Variants in DPP6 observed in about 807,000 individuals in gnomAD.
The protein encoded by DPP6 is A-type potassium channel modulatory protein DPP6.
Under a neutral mutation model 122.6 loss-of-function variants are expected in DPP6, and 69 were observed. That is an observed-to-expected ratio of 0.56 (90% CI 0.46 to 0.69). The LOEUF is 0.69. DPP6 is among the 30% of genes least tolerant of loss of function. The pLI, the probability that DPP6 is intolerant of heterozygous loss-of-function variation, is 0.00. For synonymous variants in DPP6, 418 were observed against 433.1 expected (o/e 0.97, Z 0.43); for missense variants, 928 against 1,116.9 (o/e 0.83, Z 2.41).
At chr7:153,803,636 G>A in the DPP6 span, among the ~76,000 whole-genome samples, 2 of 151,482 alleles carry the variant, frequency 1.3e-5, no homozygotes, top group African/African-American at 4.9e-5. Flanking sequence ...TCCTAATCAT[G>A]TGATTATTCC....
rs547293055 is a variant in DPP6, at chr7:154,208,446, C to T, written c.243+155383C>T. ...AGGGCTTCGCAAGGCCCAGACACCC[C>T]GCTGACTCATCCCATCTGCAGCGTG... On this transcript the variant is annotated intron_variant, in intron 1 of 25. Transcript: ENST00000377770. Among the ~76,000 whole-genome samples the T allele has an allele frequency of 5.3e-5, 8 of 152,356 alleles. No homozygotes were observed. In the East Asian group the frequency reaches 5.8e-4, roughly 11 times the overall value.
intron 16 of DPP6, 88 bp from the exon 17 acceptor site, chr7:154,853,692 T>G: frequency 6.5e-7 from 1 of 1,544,058 alleles, no homozygotes; most frequent in Non-Finnish European, 8.8e-7. Flanking sequence ...TCTATCTACG[T>G]GGCATAAGAA....
At chr7:154,502,133 C>T (rs1825304384) in intron 3 of DPP6, among the ~76,000 whole-genome samples, 1 of 152,216 alleles carries the variant, frequency 6.6e-6, no homozygotes, top group African/African-American at 2.4e-5. Context: ...CGTATTTACC[C>T]AATGCCTGTA....
chr7:154,303,599 A>G (rs56020011), intron 1 of DPP6, among the ~76,000 whole-genome samples: 392 of 152,142 alleles, frequency 2.6e-3, no homozygotes, highest in Admixed American at 9.0e-3. Flanking sequence ...AACTGATACC[A>G]CTGCTATACC....
chr7:153,930,092 C>A (rs17338902), intron 1 of DPP6, among the ~76,000 whole-genome samples: 42,763 of 152,012 alleles, frequency 0.28, 6,145 homozygotes, highest in Admixed American at 0.34. Flanking sequence ...TAGTCACGTG[C>A]AAATGAGTTA....
chr7:153,859,775 C>A, the DPP6 span, among the ~76,000 whole-genome samples: 2 of 152,152 alleles, frequency 1.3e-5, no homozygotes, highest in African/African-American at 4.8e-5. Context: ...ATGATCATGG[C>A]AGAAGGCACC....
intron 17 of DPP6, among the ~76,000 whole-genome samples, chr7:154,861,563 CTTTTCT>C (rs1217016323): frequency 6.6e-6 from 1 of 152,114 alleles, no homozygotes; most frequent in Non-Finnish European, 1.5e-5. Flanking sequence ...TTTTAAAGGT[CTTTTCT>C]TTTTAACTTC....
chr7:154,575,621 G>GGTGTGT (rs1226015409), intron 5 of DPP6, among the ~76,000 whole-genome samples: 3 of 132,828 alleles, frequency 2.3e-5, no homozygotes, highest in Admixed American at 7.4e-5. Context: ...ATGTGTGTGT[G>GGTGTGT]GTGTGTGTGT....
chr7:154,794,299 G>C, intron 11 of DPP6, 97 bp downstream of exon 11: 1 of 1,407,112 alleles, frequency 7.1e-7, no homozygotes, highest in Admixed American at 2.9e-5. Flanking sequence ...CTCGGGCCTG[G>C]GACTTGGGGA....
chr7:153,826,063 A>G, the DPP6 span, among the ~76,000 whole-genome samples: 3 of 152,208 alleles, frequency 2.0e-5, no homozygotes, highest in Non-Finnish European at 4.4e-5. Context: ...AGATGTCTTC[A>G]TATAAAGGCA....
At chr7:154,070,456 TC>T (rs1803038359) in intron 1 of DPP6, among the ~76,000 whole-genome samples, 1 of 152,192 alleles carries the variant, frequency 6.6e-6, no homozygotes, top group Admixed American at 6.5e-5. Context: ...TTTTAAAAGG[TC>T]CTGACAAATT....
chr7:154,439,433 A>T (rs994508921), intron 1 of DPP6, among the ~76,000 whole-genome samples: 1 of 152,234 alleles, frequency 6.6e-6, no homozygotes, highest in Non-Finnish European at 1.5e-5. Flanking sequence ...ATCAGGTCAC[A>T]GTGCTGCTGC....
the DPP6 span, among the ~76,000 whole-genome samples, chr7:153,788,204 C>T: frequency 3.3e-5 from 5 of 152,300 alleles, no homozygotes; most frequent in East Asian, 9.6e-4. Flanking sequence ...TTTCTTTCTA[C>T]ATTTTGGGAC....
chr7:154,014,671 GAAGA>G (rs1440498216), intron 1 of DPP6, among the ~76,000 whole-genome samples: 1 of 151,574 alleles, frequency 6.6e-6, no homozygotes, highest in African/African-American at 2.4e-5. Flanking sequence ...CAAAAAAAAA[GAAGA>G]AAGAAAAAAG....
intron 7 of DPP6, among the ~76,000 whole-genome samples, chr7:154,677,537 T>G (rs1328012508): frequency 2.0e-5 from 3 of 152,236 alleles, no homozygotes; most frequent in African/African-American, 7.2e-5. Context: ...GAGGAAGAGC[T>G]TGCGCTTGAA....
At chr7:153,994,887 T>A (rs1797352689) in intron 1 of DPP6, among the ~76,000 whole-genome samples, 1 of 152,230 alleles carries the variant, frequency 6.6e-6, no homozygotes, top group African/African-American at 2.4e-5. Flanking sequence ...TTGGGCCTTT[T>A]TATTTGCCCT....
chr7:154,127,095 T>TA (rs1807946130), intron 1 of DPP6, among the ~76,000 whole-genome samples: 1 of 152,122 alleles, frequency 6.6e-6, no homozygotes, highest in South Asian at 2.1e-4. Context: ...TTCACTACTT[T>TA]AAAAAAGTAT....
At chr7:154,586,136 G>A (rs112695933) in intron 5 of DPP6, among the ~76,000 whole-genome samples, 3,395 of 152,180 alleles carry the variant, frequency 0.022, 56 homozygotes, top group Middle Eastern at 0.058. Context: ...CGTTGCCACC[G>A]TCTTGGAGGG....
chr7:154,357,650 A>G (rs1482332975), intron 1 of DPP6, among the ~76,000 whole-genome samples: 1 of 152,184 alleles, frequency 6.6e-6, no homozygotes, highest in East Asian at 1.9e-4. Context: ...CTTTTAGCAA[A>G]GATATCTTTT....
Sources: allele counts gnomAD v4.1 joint callset (sites outside exome capture counted in the v4.1 genomes callset), GRCh38; gene constraint gnomAD v4.1.1; transcripts MANE v1.5; gene names NCBI Gene and HGNC (gene_info 2026-07-23, HGNC 2026-07-21).